RAB3C: variants seen among roughly 807,000 people sequenced by gnomAD.
The protein encoded by RAB3C is ras-related protein Rab-3C.
Under a neutral mutation model 26.4 loss-of-function variants are expected in RAB3C, and 17 were observed. The observed-to-expected ratio is 0.64, with a 90% CI of 0.44 to 0.97. RAB3C has a LOEUF of 0.97. Ranked by LOEUF, RAB3C falls within the 50% of genes least tolerant of loss-of-function variation. The pLI is 0.00. For synonymous variants in RAB3C, 91 were observed against 95.9 expected, an observed-to-expected ratio of 0.95 and a Z score of 0.30; for missense variants, 242 against 281.9, an observed-to-expected ratio of 0.86 and a Z score of 1.01.
At chr5:58,708,190 ATGT>A (rs1748986134) in intron 2 of RAB3C, among the ~76,000 whole-genome samples, 1 of 151,808 alleles carries the variant, frequency 6.6e-6, no homozygotes, top group African/African-American at 2.4e-5. Context: ...AGGTCTTGCG[ATGT>A]TGCCCAGGCT....
chr5:58,658,502 G>A (rs1176925519), intron 2 of RAB3C, among the ~76,000 whole-genome samples: 2 of 152,198 alleles, frequency 1.3e-5, no homozygotes, highest in African/African-American at 4.8e-5. Context: ...TGATTTAGCA[G>A]CCTACTGGAA....
intron 2 of RAB3C, among the ~76,000 whole-genome samples, chr5:58,704,947 A>T (rs902500593): frequency 1.3e-5 from 2 of 152,176 alleles, no homozygotes; most frequent in Non-Finnish European, 2.9e-5. Context: ...TAATAATTGT[A>T]TGAGTTTCCT....
intron 3 of RAB3C, among the ~76,000 whole-genome samples, chr5:58,748,479 A>C (rs11745196): frequency 0.12 from 18,254 of 152,152 alleles, 1,401 homozygotes; most frequent in East Asian, 0.18. Flanking sequence ...GTAAAATAGA[A>C]TATAATTGAA....
At chr5:58,691,809 G>GA (rs34121629) in intron 2 of RAB3C, among the ~76,000 whole-genome samples, 1 of 152,156 alleles carries the variant, frequency 6.6e-6, no homozygotes, top group Non-Finnish European at 1.5e-5. Context: ...TGATGTCACT[G>GA]AAAAAACACA....
intron 1 of RAB3C, among the ~76,000 whole-genome samples, chr5:58,614,297 C>T (rs144718132): frequency 6.6e-6 from 1 of 152,138 alleles, no homozygotes; most frequent in East Asian, 1.9e-4. Flanking sequence ...CTTTGACATT[C>T]GTATGCTGTC....
chr5:58,619,457 A>G (rs1746888849), intron 2 of RAB3C, among the ~76,000 whole-genome samples: 1 of 152,198 alleles, frequency 6.6e-6, no homozygotes, highest in African/African-American at 2.4e-5. Flanking sequence ...TTAAGTTTTA[A>G]GGAAGGTTCC....
At position 58,597,744 on chromosome 5, in the gene RAB3C, A is replaced by G. The variant is rs867422540; in HGVS notation, c.24+14512A>G. Among the ~76,000 whole-genome samples the G allele has an allele frequency of 7.7e-4, 95 of 122,948 alleles. 8 individuals are homozygous for G. Among genetic ancestry groups the G allele is most frequent in the East Asian group, 2.0e-3 (9 of 4,594 alleles). The allele number at this position is 122,948 out of a possible 152,430, so 80.7% of individuals were successfully genotyped here. On this transcript the variant is annotated intron_variant, in intron 1 of 4. Transcript: ENST00000282878. ...ATTATATATAAGTATATAACATATA[A>G]TACATTATATATAAGTATATAACAT...
intron 3 of RAB3C, among the ~76,000 whole-genome samples, chr5:58,742,388 C>T (rs1741294916): frequency 6.6e-6 from 1 of 151,886 alleles, no homozygotes; most frequent in Non-Finnish European, 1.5e-5. Context: ...AATATTTTGA[C>T]CTCCTATTCT....
At chr5:58,724,492 C>T (rs541410627) in intron 2 of RAB3C, among the ~76,000 whole-genome samples, 55 of 151,808 alleles carry the variant, frequency 3.6e-4, no homozygotes, top group Non-Finnish European at 6.2e-4. Context: ...TTTTTCCCCC[C>T]ACAGTGGCTT....
At chr5:58,613,345 C>T (rs185872617) in intron 1 of RAB3C, among the ~76,000 whole-genome samples, 13 of 152,130 alleles carry the variant, frequency 8.5e-5, no homozygotes, top group South Asian at 8.3e-4. Flanking sequence ...AGGTCTCACC[C>T]GTAGATTTAT....
chr5:58,792,868 T>C (rs1742560889), intron 3 of RAB3C, among the ~76,000 whole-genome samples: 1 of 152,074 alleles, frequency 6.6e-6, no homozygotes, highest in Non-Finnish European at 1.5e-5. Context: ...ATTATATATG[T>C]AATTAATTGT....
intron 2 of RAB3C, among the ~76,000 whole-genome samples, chr5:58,681,412 C>T (rs907225660): frequency 2.6e-5 from 4 of 152,134 alleles, no homozygotes; most frequent in Admixed American, 6.5e-5. Context: ...CAGGCAATTA[C>T]GCCAGAGGAA....
chr5:58,596,428 T>C (rs1007261117), intron 1 of RAB3C, among the ~76,000 whole-genome samples: 1 of 147,552 alleles, frequency 6.8e-6, no homozygotes, highest in African/African-American at 2.5e-5. Flanking sequence ...ACTATTATTG[T>C]AGAGAGGTTT....
intron 2 of RAB3C, among the ~76,000 whole-genome samples, chr5:58,649,765 G>C (rs1747604351): frequency 6.6e-6 from 1 of 152,080 alleles, no homozygotes; most frequent in African/African-American, 2.4e-5. Context: ...ATCGAAATCT[G>C]GGTGACCAAT....
chr5:58,752,900 A>G (rs1741564910), intron 3 of RAB3C, among the ~76,000 whole-genome samples: 1 of 152,168 alleles, frequency 6.6e-6, no homozygotes, highest in African/African-American at 2.4e-5. Flanking sequence ...TGATCTAACT[A>G]CTTGTAATGA....
intron 1 of RAB3C, 42 bp from the exon 2 acceptor site, chr5:58,617,601 C>A (rs747504184): frequency 1.4e-6 from 2 of 1,415,316 alleles, no homozygotes; most frequent in Non-Finnish European, 2.0e-6. Context: ...AGAGTCTGAT[C>A]TACACCTATT....
chr5:58,845,612 A>ATATATATATATATATATTTGTGTGTGTG, intron 4 of RAB3C, among the ~76,000 whole-genome samples: 1 of 81,724 alleles, frequency 1.2e-5, no homozygotes, highest in Admixed American at 1.2e-4. Context: ...ATATATATAT[A>ATATATATATATATATATTTGTGTGTGTG]TGTGTGTGTG....
chr5:58,797,842 C>T (rs532857369), intron 3 of RAB3C, among the ~76,000 whole-genome samples: 123 of 152,170 alleles, frequency 8.1e-4, no homozygotes, highest in Middle Eastern at 3.4e-3. Context: ...TAAGATTTGG[C>T]GACTAATTTG....
chr5:58,636,007 A>G (rs16888337), intron 2 of RAB3C, among the ~76,000 whole-genome samples: 1 of 152,238 alleles, frequency 6.6e-6, no homozygotes, highest in African/African-American at 2.4e-5. Context: ...GGAAAGTTAA[A>G]GAACGGGCCA....
Sources: allele counts gnomAD v4.1 joint callset (sites outside exome capture counted in the v4.1 genomes callset), GRCh38; gene constraint gnomAD v4.1.1; transcripts MANE v1.5; gene names NCBI Gene and HGNC (gene_info 2026-07-23, HGNC 2026-07-21).